The following LRRC8B variants were observed in gnomAD, a reference collection of about 807,000 sequenced individuals.
LRRC8B encodes leucine rich repeat containing 8 VRAC subunit B, also known as volume-regulated anion channel subunit LRRC8B.
In LRRC8B, 23 loss-of-function variants were observed where a neutral mutation model predicts 58.8. The ratio of observed to expected loss-of-function variants is 0.39; its 90% CI spans 0.28 to 0.55. The LOEUF is 0.55. Among genes scored for constraint, LRRC8B ranks in the 20% least tolerant of loss-of-function variants. LRRC8B has a pLI of 0.62. For missense variants in LRRC8B, 694 were observed against 936.0 expected (o/e 0.74, Z 3.37); for synonymous variants, 359 against 374.1 (o/e 0.96, Z 0.47).
chr1:89,571,050 A>G (rs886495490), intron 3 of LRRC8B, among the ~76,000 whole-genome samples: 2 of 152,010 alleles, frequency 1.3e-5, no homozygotes, highest in African/African-American at 4.8e-5. Context: ...TGGGTTCTCT[A>G]TTCTGTGCCA....
At chr1:89,565,394 A>AG (rs35181456) in intron 1 of LRRC8B, among the ~76,000 whole-genome samples, 78,089 of 151,988 alleles carry the variant, frequency 0.51, 20,333 homozygotes, top group South Asian at 0.57. Flanking sequence ...ATTATAATGC[A>AG]CCAGTCATGC....
chr1:89,558,713 C>T (rs1333969773), intron 1 of LRRC8B: 5 of 152,174 alleles, frequency 3.3e-5, no homozygotes, highest in Non-Finnish European at 7.3e-5. Flanking sequence ...CCTCACAGCT[C>T]TGGAGACTGG....
chr1:89,575,212 C>G (rs58586586), intron 3 of LRRC8B, among the ~76,000 whole-genome samples: 3,205 of 152,296 alleles, frequency 0.021, 106 homozygotes, highest in African/African-American at 0.073. Flanking sequence ...GAGTCCACTT[C>G]CCTTCCCCTT....
At chr1:89,530,173 AC>A (rs1650005158) in intron 1 of LRRC8B, among the ~76,000 whole-genome samples, 1 of 148,798 alleles carries the variant, frequency 6.7e-6, no homozygotes, top group Non-Finnish European at 1.5e-5. Flanking sequence ...ACATGGTGAA[AC>A]CCCGTCTCTA....
intron 5 of LRRC8B, among the ~76,000 whole-genome samples, chr1:89,590,036 ATGT>A (rs1426158820): frequency 2.0e-5 from 3 of 152,172 alleles, no homozygotes; most frequent in African/African-American, 7.2e-5. Flanking sequence ...TGTGTATTAT[ATGT>A]TGTAGTTTAT....
Position 89,584,586 on chromosome 1 carries a change from G to A in LRRC8B, c.1936G>A (p.Ala646Thr), listed in dbSNP as rs1232260827. 1 of 1,614,114 alleles carries A rather than the reference G, an allele frequency of 6.2e-7. No homozygotes were observed. Among genetic ancestry groups the A allele is most frequent in the South Asian group, 1.1e-5 (1 of 91,068 alleles). The change falls in exon 5 of 6, where the codon GCT becomes ACT. Residue 646 changes from alanine to threonine, a missense_variant. Physicochemically the swap from Ala to Thr is moderately conservative, Grantham distance 58. This residue lies in a region of LRRC8B where 53 missense variants were observed against 112.3 expected (regional missense o/e 0.47). Coordinates refer to ENST00000330947, the MANE Select transcript of LRRC8B (RefSeq NM_001369817.2). The part of the protein sequence containing the change: ...SCLKLWHNNI[A>T]YIPAQIGALS... Reference sequence around the variant, plus strand: ...CTTAAAGTTGTGGCACAATAACATTGCTTATATTCCTGCACAGATTGGGGC... The same window carrying A: ...CTTAAAGTTGTGGCACAATAACATTACTTATATTCCTGCACAGATTGGGGC...
At chr1:89,571,190 G>A (rs772149313) in intron 3 of LRRC8B, among the ~76,000 whole-genome samples, 1 of 152,092 alleles carries the variant, frequency 6.6e-6, no homozygotes, top group Non-Finnish European at 1.5e-5. Flanking sequence ...CCTTGGCTGT[G>A]CAGGTTCTTT....
rs1001568190 is a variant in LRRC8B at position 89,525,004 on chromosome 1, CG to C, written c.-255del. ...GCACGCCGCGGGGAGCGCGGGCGTC[CG>C]GGGCTGGAGTCGCGCAGGTAGGTCG... is the stretch of plus-strand genomic sequence containing the variant. On this transcript the variant is annotated 5_prime_UTR_variant, in exon 1 of 6. Transcript: ENST00000330947. 9 of 152,142 alleles carry C rather than the reference CG, an allele frequency of 5.9e-5. No homozygotes were observed. The highest frequency in any genetic ancestry group is 1.9e-4 in the African/African-American group (8 of 41,436). The allele number at this position is 152,142 out of a possible 1,614,324, so 9.4% of individuals were successfully genotyped here. A position where few individuals can be genotyped will look rare whatever the true frequency, so the allele number is the denominator to read the frequency against.
chr1:89,535,193 A>C (rs537769627), intron 1 of LRRC8B, among the ~76,000 whole-genome samples: 1 of 152,158 alleles, frequency 6.6e-6, no homozygotes, highest in East Asian at 1.9e-4. Context: ...ATTCCACCAC[A>C]TTGTCAATTA....
chr1:89,530,856 G>A (rs1259050566), intron 1 of LRRC8B, among the ~76,000 whole-genome samples: 1 of 152,134 alleles, frequency 6.6e-6, no homozygotes, highest in Non-Finnish European at 1.5e-5. Context: ...TTTGGGAGGT[G>A]CCGTTTCTCC....
At chr1:89,552,596 A>C (rs1364733054) in intron 1 of LRRC8B, among the ~76,000 whole-genome samples, 1 of 152,222 alleles carries the variant, frequency 6.6e-6, no homozygotes, top group Non-Finnish European at 1.5e-5. Flanking sequence ...CCACAGAAAA[A>C]TAATTAAGAG....
intron 1 of LRRC8B, among the ~76,000 whole-genome samples, chr1:89,526,000 A>G (rs376681024): frequency 2.6e-5 from 4 of 152,344 alleles, no homozygotes; most frequent in African/African-American, 9.6e-5. Flanking sequence ...TTTTATTAAA[A>G]GACAACCTAT....
intron 5 of LRRC8B, among the ~76,000 whole-genome samples, chr1:89,588,604 A>G (rs889038124): frequency 6.6e-6 from 1 of 152,202 alleles, no homozygotes; most frequent in African/African-American, 2.4e-5. Context: ...TGTTTGATTC[A>G]TTGGATAGTG....
intron 1 of LRRC8B, among the ~76,000 whole-genome samples, chr1:89,544,157 T>C (rs1448313168): frequency 6.6e-6 from 1 of 152,156 alleles, no homozygotes; most frequent in Non-Finnish European, 1.5e-5. Flanking sequence ...TACATAGTTA[T>C]TTGGTGTGTG....
intron 1 of LRRC8B, among the ~76,000 whole-genome samples, chr1:89,528,751 C>A (rs1418546000): frequency 6.6e-6 from 1 of 152,142 alleles, no homozygotes; most frequent in East Asian, 1.9e-4. Context: ...AGATGAGGCC[C>A]TCAGCTTCAT....
intron 1 of LRRC8B, among the ~76,000 whole-genome samples, chr1:89,554,347 A>G (rs1324732966): frequency 2.0e-5 from 3 of 152,074 alleles, no homozygotes; most frequent in Admixed American, 2.0e-4. Flanking sequence ...AATCTTACGC[A>G]TCTTTCTTGG....
At chr1:89,580,981 A>C (rs1442246228) in intron 4 of LRRC8B, among the ~76,000 whole-genome samples, 1 of 152,052 alleles carries the variant, frequency 6.6e-6, no homozygotes, top group Non-Finnish European at 1.5e-5. Context: ...CCCCAGAAAG[A>C]GGGCAAATGA....
intron 1 of LRRC8B, among the ~76,000 whole-genome samples, chr1:89,554,541 G>C (rs1224297785): frequency 6.6e-6 from 1 of 152,144 alleles, no homozygotes; most frequent in Non-Finnish European, 1.5e-5. Context: ...ACCTGGGCCA[G>C]TTCTTTGCAC....
At chr1:89,530,378 AAAT>A (rs1650034266) in intron 1 of LRRC8B, among the ~76,000 whole-genome samples, 1 of 127,898 alleles carries the variant, frequency 7.8e-6, no homozygotes, top group Non-Finnish European at 1.7e-5. Flanking sequence ...ATAAATAAAT[AAAT>A]AATAAATAAA....
Sources: allele counts gnomAD v4.1 joint callset (sites outside exome capture counted in the v4.1 genomes callset), GRCh38; gene constraint gnomAD v4.1.1; regional missense constraint gnomAD v4.1.1; transcripts MANE v1.5; gene names NCBI Gene and HGNC (gene_info 2026-07-23, HGNC 2026-07-21).